SASH1: variants seen among roughly 807,000 people sequenced by gnomAD.
The protein encoded by SASH1 is SAM and SH3 domain containing 1.
In SASH1, 44 loss-of-function variants were observed where a neutral mutation model predicts 125.2. The observed-to-expected ratio is 0.35, with a 90% CI of 0.28 to 0.45. The LOEUF is 0.45. Ranked by LOEUF, SASH1 falls within the 20% of genes least tolerant of loss-of-function variation. SASH1 has a pLI of 1.00. For synonymous variants in SASH1, 639 were observed against 649.1 expected, an observed-to-expected ratio of 0.98 and a Z score of 0.24; for missense variants, 1,426 against 1,614.5, an observed-to-expected ratio of 0.88 and a Z score of 2.00.
intron 2 of SASH1, among the ~76,000 whole-genome samples, chr6:148,421,146 G>GAAGA (rs751049278): frequency 0.025 from 1,773 of 70,690 alleles, 47 homozygotes; most frequent in East Asian, 0.044. Flanking sequence ...AGGAAGGAAG[G>GAAGA]AAGAAAGAAA....
chr6:148,548,199 A>G (rs1782669863), intron 19 of SASH1, 96 bp from the exon 20 acceptor site: 3 of 1,083,658 alleles, frequency 2.8e-6, no homozygotes, highest in Non-Finnish European at 2.6e-6. Flanking sequence ...TAGTCTAGCA[A>G]TGCAGTATTT....
intron 1 of SASH1, among the ~76,000 whole-genome samples, chr6:148,274,059 C>G (rs1582903666): frequency 6.6e-6 from 1 of 152,330 alleles, no homozygotes; most frequent in South Asian, 2.1e-4. Flanking sequence ...AAGTGCTAGA[C>G]TGCCAGTCAA....
intron 2 of SASH1, among the ~76,000 whole-genome samples, chr6:148,412,436 G>A (rs1003487036): frequency 6.6e-6 from 1 of 152,144 alleles, no homozygotes; most frequent in Non-Finnish European, 1.5e-5. Context: ...ATGATATAAA[G>A]TGATTTGATG....
chr6:148,326,323 CATAT>C (rs56276306), intron 1 of SASH1, among the ~76,000 whole-genome samples: 135 of 9,816 alleles, frequency 0.014, 4 homozygotes, highest in Non-Finnish European at 0.018. Flanking sequence ...CCACCGCATG[CATAT>C]ATATATATAT....
intron 2 of SASH1, among the ~76,000 whole-genome samples, chr6:148,425,696 CCCCTT>C (rs1307760602): frequency 1.8e-5 from 2 of 112,140 alleles, no homozygotes; most frequent in Non-Finnish European, 3.6e-5. Context: ...CCCCTCCCCT[CCCCTT>C]CTCCCCTCCC....
In SASH1 at chr6:148,519,560, C is replaced by G; in HGVS notation, c.876C>G (p.His292Gln). 4 of 1,613,452 alleles carry G rather than the reference C, an allele frequency of 2.5e-6. No homozygotes were observed. The highest frequency in any genetic ancestry group is 3.4e-6 in the Non-Finnish European group (4 of 1,179,458). The change falls in exon 10 of 20, where the codon CAC becomes CAG. Residue 292 changes from histidine (H) to glutamine (Q), a missense_variant. Coordinates refer to ENST00000367467, the MANE Select transcript of SASH1 (RefSeq NM_015278.5). This position sits in a 1 kb window ranked among gnomAD's most constrained non-coding sequence, Gnocchi z 4.8. ...GTTTCCCTCCAGGTGGGGAGGAGCA[C>G]GTGTTTGAGAATTCGCCGGTCCTGG... ...KKPSTEGGEE[H>Q]VFENSPVLDE...
chr6:148,213,653 T>C, the SASH1 span, among the ~76,000 whole-genome samples: 2 of 149,942 alleles, frequency 1.3e-5, no homozygotes, highest in African/African-American at 2.4e-5. Flanking sequence ...TCTGCTCTTA[T>C]AAACAACCAA....
At chr6:148,457,496 G>A (rs1777415160) in intron 4 of SASH1, among the ~76,000 whole-genome samples, 1 of 152,136 alleles carries the variant, frequency 6.6e-6, no homozygotes, top group Non-Finnish European at 1.5e-5. Context: ...CTAATTGCGT[G>A]ACCTTGGACA....
At chr6:148,460,845 CT>C (rs1375746319) in intron 4 of SASH1, among the ~76,000 whole-genome samples, 1 of 152,094 alleles carries the variant, frequency 6.6e-6, no homozygotes, top group Non-Finnish European at 1.5e-5. Context: ...AAGAGAAATC[CT>C]TGTGTCCATC....
At chr6:148,381,386 G>A (rs749301220) in intron 1 of SASH1, among the ~76,000 whole-genome samples, 5 of 152,122 alleles carry the variant, frequency 3.3e-5, no homozygotes, top group Admixed American at 6.6e-5. Context: ...TGTTTCTGCC[G>A]CGACTTTAAC....
At chr6:148,217,912 G>A in the SASH1 span, among the ~76,000 whole-genome samples, 5 of 151,606 alleles carry the variant, frequency 3.3e-5, no homozygotes, top group Admixed American at 2.0e-4. Flanking sequence ...CTACTGGAGA[G>A]GCTGAGGCAG....
At chr6:148,354,272 A>G (rs891514598) in intron 1 of SASH1, among the ~76,000 whole-genome samples, 4 of 152,244 alleles carry the variant, frequency 2.6e-5, no homozygotes, top group Admixed American at 2.6e-4. Flanking sequence ...TAATAAAAGT[A>G]TATTTTCTGT....
At chr6:148,417,417 G>A (rs139383634) in intron 2 of SASH1, among the ~76,000 whole-genome samples, 23 of 152,016 alleles carry the variant, frequency 1.5e-4, no homozygotes, top group East Asian at 1.2e-3. Flanking sequence ...AAACCCCGTG[G>A]CTACTAAAAA....
chr6:148,460,944 C>T (rs1213088529), intron 4 of SASH1, among the ~76,000 whole-genome samples: 1 of 152,124 alleles, frequency 6.6e-6, no homozygotes, highest in African/African-American at 2.4e-5. Flanking sequence ...ATAGGAGATA[C>T]CTCATGGCAA....
At chr6:148,289,056 A>G (rs1248052942) in intron 1 of SASH1, among the ~76,000 whole-genome samples, 1 of 151,524 alleles carries the variant, frequency 6.6e-6, no homozygotes, top group African/African-American at 2.4e-5. Context: ...GTGCAGCGGC[A>G]TGATCTTGGC....
chr6:148,370,733 G>T (rs891202601), intron 1 of SASH1, among the ~76,000 whole-genome samples: 1 of 151,970 alleles, frequency 6.6e-6, no homozygotes, highest in African/African-American at 2.4e-5. Flanking sequence ...TGAGGCAGGA[G>T]AATGAAGTGA....
intron 8 of SASH1, among the ~76,000 whole-genome samples, chr6:148,498,038 T>C (rs548371530): frequency 2.5e-4 from 38 of 152,166 alleles, no homozygotes; most frequent in African/African-American, 8.7e-4. Flanking sequence ...ATTACTGATT[T>C]CTGCAGTTTC....
At chr6:148,300,917 C>T (rs1177840330) in intron 1 of SASH1, among the ~76,000 whole-genome samples, 1 of 152,032 alleles carries the variant, frequency 6.6e-6, no homozygotes, top group African/African-American at 2.4e-5. Context: ...TAGTAAAACC[C>T]TTTTTTATTA....
chr6:148,202,266 G>A, the SASH1 span, among the ~76,000 whole-genome samples: 1 of 152,144 alleles, frequency 6.6e-6, no homozygotes, highest in African/African-American at 2.4e-5. Flanking sequence ...TACAATGGAA[G>A]CCAACTCTAA....
Sources: gnomAD v4.1 joint callset for allele counts (sites outside exome capture counted in the v4.1 genomes callset) on GRCh38, gnomAD v4.1.1 for gene constraint, Gnocchi (gnomAD v3.1) non-coding constraint, MANE v1.5 for transcripts, NCBI Gene and HGNC (gene_info 2026-07-23, HGNC 2026-07-21) for gene names.